C1QTNF2: variants seen among roughly 807,000 people sequenced by gnomAD.
The protein encoded by C1QTNF2 is complement C1q tumor necrosis factor-related protein 2.
C1QTNF2 carries 15 observed loss-of-function variants against 17.4 expected under a neutral mutation model. The ratio of observed to expected loss-of-function variants is 0.86; its 90% CI spans 0.58 to 1.33. The LOEUF (loss-of-function observed/expected upper bound fraction) is 1.33. C1QTNF2 is among the 40% of genes most tolerant of loss of function. The pLI, the probability that C1QTNF2 is intolerant of heterozygous loss-of-function variation, is 0.00. For missense variants in C1QTNF2, 381 were observed against 392.3 expected (o/e 0.97, Z 0.24); for synonymous variants, 154 against 163.3 (o/e 0.94, Z 0.44).
chr5:160,360,665 C>T (rs1764136425), intron 1 of C1QTNF2, among the ~76,000 whole-genome samples: 1 of 152,110 alleles, frequency 6.6e-6, no homozygotes, highest in Non-Finnish European at 1.5e-5. Flanking sequence ...CCTAAATTGT[C>T]CTTTCTGGGG....
chr5:160,350,800 G>C (rs1022927179), intron 2 of C1QTNF2, among the ~76,000 whole-genome samples: 2 of 151,176 alleles, frequency 1.3e-5, no homozygotes, highest in East Asian at 3.9e-4. Context: ...GCCCAGGCTG[G>C]AGCACAGTGG....
intron 1 of C1QTNF2, among the ~76,000 whole-genome samples, chr5:160,358,924 G>A (rs1348847009): frequency 1.3e-5 from 2 of 152,068 alleles, no homozygotes; most frequent in Non-Finnish European, 2.9e-5. Flanking sequence ...GGGACTATAG[G>A]AGCGTGCCAC....
At chr5:160,365,065 A>G (rs1764221993) in intron 1 of C1QTNF2, among the ~76,000 whole-genome samples, 1 of 152,210 alleles carries the variant, frequency 6.6e-6, no homozygotes, top group Non-Finnish European at 1.5e-5. Flanking sequence ...TGGGCAGGTT[A>G]TAACTGTCTG....
At chr5:160,365,403 C>T (rs73310540) in intron 1 of C1QTNF2, among the ~76,000 whole-genome samples, 2,308 of 152,174 alleles carry the variant, frequency 0.015, 72 homozygotes, top group African/African-American at 0.053. Context: ...GATGGGCGTT[C>T]GGAGTAACCC....
In C1QTNF2 at chr5:160,365,177, G is replaced by A. The variant is rs550293934; in HGVS notation, c.-10+5335C>T. Among the ~76,000 whole-genome samples, 10 of 152,284 alleles carry A rather than the reference G, an allele frequency of 6.6e-5. No individual in the cohort carries two copies. The East Asian group carries it at 1.2e-3, about 18-fold the overall frequency. On this transcript the variant is annotated intron_variant, in intron 1 of 2. Coordinates refer to ENST00000652664, the MANE Select transcript of C1QTNF2 (RefSeq NM_031908.6). ...CACCTAACAGCATCTAGACATAACAGCATTCAAGACCAGGCAGGCGGCAGG... is the reference window on the plus strand; with the variant it reads ...CACCTAACAGCATCTAGACATAACAACATTCAAGACCAGGCAGGCGGCAGG...
intron 1 of C1QTNF2, among the ~76,000 whole-genome samples, chr5:160,356,899 C>A (rs1764061452): frequency 6.6e-6 from 1 of 152,136 alleles, no homozygotes; most frequent in East Asian, 1.9e-4. Flanking sequence ...CCTCCAGGAT[C>A]TTTAACCCTG....
chr5:160,354,301 G>A (rs545274532), intron 2 of C1QTNF2, among the ~76,000 whole-genome samples: 4 of 152,148 alleles, frequency 2.6e-5, no homozygotes, highest in South Asian at 2.1e-4. Context: ...TCTGAGGCCG[G>A]GCACAGTGGC....
chr5:160,354,929 C>T lies in C1QTNF2; in HGVS notation c.83G>A (p.Arg28Gln), dbSNP rs375483575. The T allele has an allele frequency of 5.0e-5, 80 of 1,598,660 alleles. No individual in the cohort carries two copies. The highest frequency in any genetic ancestry group is 8.0e-5 in the African/African-American group (6 of 74,718). ...GCAGACCAGTTGAGGGGAGCCTTTCCGGAAGTCCCTGCGAGCAAAGGCGCC... is the reference window on the plus strand; with the variant it reads ...GCAGACCAGTTGAGGGGAGCCTTTCTGGAAGTCCCTGCGAGCAAAGGCGCC... The part of the protein sequence containing the change: ...LLGAFARRDF[R>Q]KGSPQLVCSL... Residue 28 changes from arginine to glutamine, a missense_variant, in exon 2 of 3, where the codon CGG becomes CAG. Arg to Gln is a conservative substitution (Grantham distance 43). Coordinates refer to ENST00000652664, the MANE Select transcript of C1QTNF2 (RefSeq NM_031908.6).
intron 1 of C1QTNF2, among the ~76,000 whole-genome samples, chr5:160,357,151 CA>C (rs748479816): frequency 2.4e-4 from 36 of 152,310 alleles, no homozygotes; most frequent in Non-Finnish European, 3.7e-4. Context: ...CCCCTCCCTT[CA>C]ACTTGGAAAC....
Position 160,349,439 on chromosome 5 carries a change from T to G in C1QTNF2, c.587A>C (p.Tyr196Ser). Residue 196 changes from tyrosine (Y) to serine (S), a missense_variant, in exon 3 of 3, where the codon TAC becomes TCC. Physicochemically the swap from Tyr to Ser is moderately radical, Grantham distance 144 (BLOSUM62 -2). Transcript: ENST00000652664. This position sits in a 1 kb window ranked among gnomAD's most constrained non-coding sequence, Gnocchi z 4.3. ...KFVCGVPGIY[Y>S]FTYDITLANK... is the part of the protein sequence containing the mutation. ...GGCCAGCGTGATGTCGTAGGTGAAGTAGTAGATCCCAGGCACGCCGCAGAC... is the reference window on the plus strand; with the variant it reads ...GGCCAGCGTGATGTCGTAGGTGAAGGAGTAGATCCCAGGCACGCCGCAGAC... The G allele has an allele frequency of 1.2e-6, 2 of 1,613,764 alleles. No individual in the cohort carries two copies. Among genetic ancestry groups the G allele is most frequent in the Middle Eastern group, 3.3e-4 (2 of 6,062 alleles).
In C1QTNF2 at chr5:160,354,942, G is replaced by C; in HGVS notation, c.70C>G (p.Arg24Gly). The C allele has an allele frequency of 6.3e-7, 1 of 1,596,124 alleles. No individual in the cohort carries two copies. The highest frequency in any genetic ancestry group is 1.1e-5 in the South Asian group (1 of 88,072). ...AADPLLGAFA[R>G]RDFRKGSPQL... is the part of the protein sequence containing the mutation. ...GGGGAGCCTTTCCGGAAGTCCCTGC[G>C]AGCAAAGGCGCCAAGCAGTGGGTCA... The change falls in exon 2 of 3, where the codon CGC (arginine) becomes GGC (glycine). Residue 24 changes from arginine to glycine, a missense_variant. Transcript: ENST00000652664.
chr5:160,360,289 C>G (rs995069587), intron 1 of C1QTNF2, among the ~76,000 whole-genome samples: 11 of 152,202 alleles, frequency 7.2e-5, no homozygotes, highest in African/African-American at 2.7e-4. Context: ...TCCTCACACA[C>G]AGTGAATGTT....
chr5:160,349,758 G>A lies in C1QTNF2; in HGVS notation c.268C>T (p.Arg90Trp), dbSNP rs372169471. The A allele has an allele frequency of 5.8e-5, 89 of 1,530,152 alleles. No individual in the cohort carries two copies. The highest frequency in any genetic ancestry group is 1.8e-4 in the Middle Eastern group (1 of 5,676). The allele number at this position is 1,530,152 out of a possible 1,614,324, so 94.8% of individuals were successfully genotyped here. The stretch of plus-strand genomic sequence containing the variant: ...TTGCCCTTTGGTCCTGGCTTTCCCC[G>A]GTTACCTGTCCGGCCAGGTGGACCT... ...EEGPPGRTGN[R>W]GKPGPKGKAG... The change falls in exon 3 of 3, where the codon CGG becomes TGG. Residue 90 changes from arginine (R) to tryptophan (W), a missense_variant. By Grantham distance (101) the Arg-to-Trp change is moderately radical. Coordinates refer to ENST00000652664, the MANE Select transcript of C1QTNF2 (RefSeq NM_031908.6). This position sits in a 1 kb window ranked among gnomAD's most constrained non-coding sequence, Gnocchi z 4.3.
chr5:160,366,797 G>A (rs1387297393), intron 1 of C1QTNF2, among the ~76,000 whole-genome samples: 2 of 148,484 alleles, frequency 1.3e-5, no homozygotes, highest in Admixed American at 1.3e-4. Context: ...GCCAAAGCAG[G>A]TGGAGTGCCT....
At chr5:160,370,423 C>T (rs1399817467) in intron 1 of C1QTNF2, 89 bp downstream of exon 1, 2 of 1,349,892 alleles carry the variant, frequency 1.5e-6, no homozygotes, top group African/African-American at 1.5e-5. Context: ...CTTCCGCATC[C>T]CGCCCCGCCC....
intron 1 of C1QTNF2, among the ~76,000 whole-genome samples, chr5:160,355,602 A>G (rs568898573): frequency 1.3e-4 from 20 of 152,272 alleles, no homozygotes; most frequent in Non-Finnish European, 2.1e-4. Context: ...ATGTGCTAAG[A>G]GCTTTCCATT....
In C1QTNF2 at chr5:160,352,954, A is replaced by G. The variant is rs534221148; in HGVS notation, c.244+1814T>C. ...GGTCCTTCATACATTGTTTTATTTC[A>G]TCTTTACCACAACCTTGTGAGACAG... On this transcript the variant is annotated intron_variant, in intron 2 of 2. Transcript: ENST00000652664. 7.0e-4 allele frequency among the ~76,000 whole-genome samples: 106 copies of G among 152,246 alleles called. No individual in the cohort carries two copies. In the South Asian group the frequency reaches 0.016, roughly 23 times the overall value.
At chr5:160,363,046 G>T (rs997436927) in intron 1 of C1QTNF2, among the ~76,000 whole-genome samples, 13 of 152,206 alleles carry the variant, frequency 8.5e-5, no homozygotes, top group African/African-American at 2.9e-4. Flanking sequence ...TTCAGGGGAG[G>T]CCTCATCCTT....
rs200777932 is a variant in C1QTNF2 at position 160,353,788 on chromosome 5, C to CTTTT, written c.244+976_244+979dup. Among the ~76,000 whole-genome samples the CTTTT allele has an allele frequency of 5.7e-4, 49 of 85,966 alleles. 2 individuals carry two copies. The highest frequency in any genetic ancestry group is 1.6e-3 in the East Asian group (4 of 2,518). The allele number at this position is 85,966 out of a possible 152,430, so 56.4% of individuals were successfully genotyped here. ...GAGCTTGGCTCTTGGACTTCTCAGGCTTTTTTTTTTTTTTTTTTTTTTTTT... is the reference window on the plus strand; with the variant it reads ...GAGCTTGGCTCTTGGACTTCTCAGGCTTTTTTTTTTTTTTTTTTTTTTTTTTTTT... On this transcript the variant is annotated intron_variant, in intron 2 of 2. Transcript: ENST00000652664.
Sources: gnomAD v4.1 joint callset for allele counts (sites outside exome capture counted in the v4.1 genomes callset) on GRCh38, gnomAD v4.1.1 for gene constraint, Gnocchi (gnomAD v3.1) non-coding constraint, MANE v1.5 for transcripts, NCBI Gene and HGNC (gene_info 2026-07-23, HGNC 2026-07-21) for gene names.